PARP8: variants seen among roughly 807,000 people sequenced by gnomAD.
PARP8 encodes protein mono-ADP-ribosyltransferase PARP8.
Under a neutral mutation model 124.1 loss-of-function variants are expected in PARP8, and 51 were observed. That is an observed-to-expected ratio of 0.41 (90% confidence interval 0.33 to 0.52). The LOEUF is 0.52. Among genes scored for constraint, PARP8 ranks in the 20% least tolerant of loss-of-function variants. The pLI is 0.21. For missense variants in PARP8, 860 were observed against 1,018.9 expected (o/e 0.84, Z 2.12); for synonymous variants, 391 against 361.5 (o/e 1.08, Z -0.93).
chr5:50,718,208 T>C (rs1175907292), intron 2 of PARP8, among the ~76,000 whole-genome samples: 4 of 152,012 alleles, frequency 2.6e-5, no homozygotes, highest in African/African-American at 7.2e-5. Flanking sequence ...AATTACACAG[T>C]TGTGACCAGT....
chr5:50,672,271 G>A (rs761229944), intron 2 of PARP8, among the ~76,000 whole-genome samples: 3 of 152,192 alleles, frequency 2.0e-5, no homozygotes, highest in Non-Finnish European at 4.4e-5. Flanking sequence ...GTTTGACTGT[G>A]AGCCTCTTGG....
Position 50,754,461 on chromosome 5 carries a change from G to C in PARP8, c.184+4273G>C, listed in dbSNP as rs868464392. Among the ~76,000 whole-genome samples the C allele has an allele frequency of 1.8e-3, 277 of 151,840 alleles. 2 individuals carry two copies. Among genetic ancestry groups the C allele is most frequent in the African/African-American group, 6.3e-3 (262 of 41,346 alleles). Reference sequence around the variant, plus strand: ...TGGTTTTTTGTCCTTGCGATAGTTTGCTGAGAATGATGGTTTCCAGCTTCA... The same window carrying C: ...TGGTTTTTTGTCCTTGCGATAGTTTCCTGAGAATGATGGTTTCCAGCTTCA... On this transcript the variant is annotated intron_variant, in intron 3 of 25. Coordinates refer to ENST00000281631, the MANE Select transcript of PARP8 (RefSeq NM_024615.4).
At chr5:50,684,117 A>G (rs1246222977) in intron 2 of PARP8, among the ~76,000 whole-genome samples, 1 of 149,656 alleles carries the variant, frequency 6.7e-6, no homozygotes, top group Non-Finnish European at 1.5e-5. Flanking sequence ...AGTTTTGACT[A>G]ACAGCCTGAA....
At chr5:50,697,781 A>T (rs1414476071) in intron 2 of PARP8, among the ~76,000 whole-genome samples, 1 of 152,244 alleles carries the variant, frequency 6.6e-6, no homozygotes. Context: ...AAATGTTGAT[A>T]GTAATAGACG....
chr5:50,700,034 C>T (rs1235174699), intron 2 of PARP8, among the ~76,000 whole-genome samples: 1 of 152,068 alleles, frequency 6.6e-6, no homozygotes, highest in Non-Finnish European at 1.5e-5. Context: ...AAATAGTCAT[C>T]CATTTTTAAA....
chr5:50,771,051 A>G (rs1561355878), intron 7 of PARP8, among the ~76,000 whole-genome samples: 1 of 151,890 alleles, frequency 6.6e-6, no homozygotes, highest in Non-Finnish European at 1.5e-5. Context: ...TAAAAATATT[A>G]CCATGAATAA....
intron 22 of PARP8, 138 bp from the exon 23 acceptor site, chr5:50,832,643 C>A: frequency 1.4e-6 from 1 of 727,882 alleles, no homozygotes; most frequent in Non-Finnish European, 2.2e-6. Flanking sequence ...GGGCTAAGGG[C>A]ACAGCCCTTT....
intron 3 of PARP8, 34 bp downstream of exon 3, chr5:50,750,222 A>G: frequency 6.6e-7 from 1 of 1,518,858 alleles, no homozygotes; most frequent in African/African-American, 1.4e-5. Context: ...AGATATTCGT[A>G]TCAGGGTTCC....
At chr5:50,674,051 C>T (rs775616975) in intron 2 of PARP8, among the ~76,000 whole-genome samples, 1 of 152,208 alleles carries the variant, frequency 6.6e-6, no homozygotes, top group Admixed American at 6.5e-5. Flanking sequence ...TCTGAAATTC[C>T]ATCTTTCGTG....
chr5:50,824,184 C>CT (rs1746082663), intron 17 of PARP8, among the ~76,000 whole-genome samples: 1 of 152,176 alleles, frequency 6.6e-6, no homozygotes, highest in Non-Finnish European at 1.5e-5. Context: ...ATGTAAAGGT[C>CT]TATACCTAAG....
intron 7 of PARP8, among the ~76,000 whole-genome samples, chr5:50,767,319 A>C (rs1761150735): frequency 6.6e-6 from 1 of 152,196 alleles, no homozygotes; most frequent in Non-Finnish European, 1.5e-5. Flanking sequence ...AATATTTTGT[A>C]ATCTCCTTTC....
chr5:50,824,084 T>C (rs141686593), intron 17 of PARP8, among the ~76,000 whole-genome samples: 36 of 152,376 alleles, frequency 2.4e-4, no homozygotes, highest in African/African-American at 7.0e-4. Flanking sequence ...GAGAGATTGC[T>C]CTTTGTTCTG....
At chr5:50,735,587 A>G (rs184030795) in intron 2 of PARP8, among the ~76,000 whole-genome samples, 38 of 152,294 alleles carry the variant, frequency 2.5e-4, no homozygotes, top group Admixed American at 9.8e-4. Context: ...TTGATAAGAC[A>G]TAAAATACTT....
At chr5:50,799,752 G>T (rs897116076) in intron 14 of PARP8, among the ~76,000 whole-genome samples, 1 of 152,126 alleles carries the variant, frequency 6.6e-6, no homozygotes, top group Non-Finnish European at 1.5e-5. Flanking sequence ...TTTGGAAGGC[G>T]ATTAGGTCAT....
At chr5:50,706,642 G>A (rs559636057) in intron 2 of PARP8, among the ~76,000 whole-genome samples, 1 of 152,066 alleles carries the variant, frequency 6.6e-6, no homozygotes, top group African/African-American at 2.4e-5. Flanking sequence ...TATTATACCT[G>A]TAATTGAGTA....
At chr5:50,672,090 A>T (rs902317210) in intron 2 of PARP8, among the ~76,000 whole-genome samples, 22 of 152,158 alleles carry the variant, frequency 1.4e-4, no homozygotes, top group Admixed American at 2.0e-4. Context: ...CTCACCCACA[A>T]CCTGCTTTCC....
chr5:50,763,829 A>G (rs1241204662), intron 7 of PARP8, among the ~76,000 whole-genome samples: 1 of 152,100 alleles, frequency 6.6e-6, no homozygotes, highest in Non-Finnish European at 1.5e-5. Flanking sequence ...CCACCATAAT[A>G]GTTTCCAGGA....
chr5:50,763,150 G>A lies in PARP8; in HGVS notation c.426G>A (p.Val142=). ...DSEEFYYGGQ[V]NYDGELHKHP... ...TTTAAATTATCCCTTTTCATCAGGT[G>A]AACTATGATGGGGAACTGCACAAGC... The change falls in exon 7 of 26, where the codon GTG becomes GTA. Residue 142 remains valine, a splice_region_variant and synonymous_variant. Transcript: ENST00000281631. 6.2e-7 allele frequency: 1 copy of A among 1,610,918 alleles called. No homozygotes were observed. Among genetic ancestry groups the A allele is most frequent in the Non-Finnish European group, 8.5e-7 (1 of 1,177,242 alleles).
chr5:50,750,044 CATCTTT>C, intron 2 of PARP8, 101 bp from the exon 3 acceptor site: 1 of 848,676 alleles, frequency 1.2e-6, no homozygotes, highest in Non-Finnish European at 1.9e-6. Context: ...TTTATACTTA[CATCTTT>C]ATAACTGAAT....
Sources: gnomAD v4.1 joint callset for allele counts (sites outside exome capture counted in the v4.1 genomes callset) on GRCh38, gnomAD v4.1.1 for gene constraint, MANE v1.5 for transcripts, NCBI Gene and HGNC (gene_info 2026-07-23, HGNC 2026-07-21) for gene names.